The following CIPC variants were observed in gnomAD, a reference collection of about 807,000 sequenced individuals.
The protein encoded by CIPC is CLOCK interacting pacemaker, also known as CLOCK-interacting pacemaker.
CIPC carries 12 observed loss-of-function variants against 26.7 expected under a neutral mutation model. The ratio of observed to expected loss-of-function variants is 0.45; its 90% CI spans 0.29 to 0.73. The LOEUF is 0.73. Among genes scored for constraint, CIPC ranks in the 30% least tolerant of loss-of-function variants. The probability of loss-of-function intolerance (pLI) is 0.12; values close to 1 mark genes in which losing one functional copy is unlikely to be tolerated. For missense variants in CIPC, 417 were observed against 486.5 expected, an observed-to-expected ratio of 0.86 and a Z score of 1.34; for synonymous variants, 170 against 189.8, an observed-to-expected ratio of 0.90 and a Z score of 0.86.
At chr14:77,113,259 T>C (rs1355798249) in intron 3 of CIPC, 166 bp from the exon 4 acceptor site, 1 of 737,532 alleles carries the variant, frequency 1.4e-6, no homozygotes, top group African/African-American at 1.7e-5. Flanking sequence ...AAAAAGTATT[T>C]GTGATATCAG....
intron 3 of CIPC, among the ~76,000 whole-genome samples, chr14:77,111,426 T>G (rs767477217): frequency 6.6e-6 from 1 of 152,248 alleles, no homozygotes. Context: ...CATACTAGAA[T>G]CTAGCGTATT....
chr14:77,105,385 G>T (rs1886571290), intron 1 of CIPC, among the ~76,000 whole-genome samples: 1 of 152,154 alleles, frequency 6.6e-6, no homozygotes, highest in Non-Finnish European at 1.5e-5. Context: ...AATCAAATGT[G>T]CCTTTGTTAG....
intron 3 of CIPC, among the ~76,000 whole-genome samples, chr14:77,112,390 G>A (rs773364005): frequency 5.3e-5 from 8 of 152,202 alleles, no homozygotes; most frequent in Non-Finnish European, 1.0e-4. Context: ...GAATGGCTCA[G>A]ATGGGTTTTA....
In CIPC at chr14:77,114,463, C is replaced by G; in HGVS notation, c.*145C>G. On this transcript the variant is annotated 3_prime_UTR_variant, in exon 4 of 4. Transcript: ENST00000361786. ...TCACTTAGGAAGCCACGTGCCAATA[C>G]CTGGCTGCTGTCTTAACTCGTAGTC... is the stretch of plus-strand genomic sequence containing the variant. 1.2e-6 allele frequency: 1 copy of G among 814,870 alleles called. No homozygotes were observed. Among genetic ancestry groups the G allele is most frequent in the East Asian group, 2.6e-5 (1 of 38,646 alleles). 50.5% of individuals were successfully genotyped at this position (814,870 alleles called of 1,614,324 possible).
intron 1 of CIPC, among the ~76,000 whole-genome samples, chr14:77,099,413 T>C (rs1308814130): frequency 1.3e-5 from 2 of 152,140 alleles, no homozygotes; most frequent in African/African-American, 4.8e-5. Context: ...TATTAGACAT[T>C]TAGGTAGACA....
intron 2 of CIPC, among the ~76,000 whole-genome samples, chr14:77,107,123 T>C (rs1403900014): frequency 6.6e-6 from 1 of 152,252 alleles, no homozygotes; most frequent in Non-Finnish European, 1.5e-5. Context: ...GCCTAGTGCC[T>C]CTTTTTTTCT....
At position 77,113,828 on chromosome 14, in the gene CIPC, G is replaced by A. The variant is rs764882618; in HGVS notation, c.710G>A (p.Gly237Asp). 6.2e-7 allele frequency: 1 copy of A among 1,614,126 alleles called. No homozygotes were observed. Among genetic ancestry groups the A allele is most frequent in the East Asian group, 2.2e-5 (1 of 44,872 alleles). The change falls in exon 4 of 4, where the codon GGT becomes GAT. Residue 237 changes from glycine to aspartate, a missense_variant. By Grantham distance (94) the Gly-to-Asp change is moderately conservative. Transcript: ENST00000361786. ...ALQGVPSLVA[G>D]GSPQTLQPVS... is the part of the protein sequence containing the mutation. ...CAGGGTGTGCCCTCTCTGGTGGCAG[G>A]TGGAAGTCCACAGACTCTTCAGCCG...
At chr14:77,113,201 C>G (rs1886737220) in intron 3 of CIPC, among the ~76,000 whole-genome samples, 1 of 152,166 alleles carries the variant, frequency 6.6e-6, no homozygotes, top group Non-Finnish European at 1.5e-5. Context: ...AGTGATAGCA[C>G]TTGAATAAAA....
intron 1 of CIPC, among the ~76,000 whole-genome samples, chr14:77,100,720 C>T (rs373747362): frequency 5.9e-5 from 9 of 151,752 alleles, no homozygotes; most frequent in African/African-American, 1.7e-4. Context: ...AGATGTGTGC[C>T]ACCACACCCA....
chr14:77,100,240 C>CTTTTTTT (rs57785837), intron 1 of CIPC, among the ~76,000 whole-genome samples: 5 of 130,518 alleles, frequency 3.8e-5, no homozygotes, highest in Admixed American at 7.9e-5. Context: ...TTCTTTCTTT[C>CTTTTTTT]TTTTTTTTTT....
At position 77,115,241 on chromosome 14, in the gene CIPC, GT is replaced by G. The variant is rs11342878; in HGVS notation, c.*937del. 84,763 of 143,610 alleles carry G rather than the reference GT, an allele frequency of 0.59. 25,958 individuals are homozygous for G. The highest frequency in any genetic ancestry group is 0.72 in the Middle Eastern group (202 of 280). 8.9% of individuals were successfully genotyped at this position (143,610 alleles called of 1,614,324 possible). On this transcript the variant is annotated 3_prime_UTR_variant, in exon 4 of 4. Transcript: ENST00000361786. ...TATAAGTTAACTCTGCTGCCATCTT[GT>G]TTTTTTTTTTTTTCCTTTATTTTGA...
chr14:77,111,268 A>G (rs1886694518), intron 3 of CIPC, among the ~76,000 whole-genome samples: 1 of 152,194 alleles, frequency 6.6e-6, no homozygotes, highest in South Asian at 2.1e-4. Flanking sequence ...ACACACAGTT[A>G]CGGAGTGAGT....
At chr14:77,109,791 G>A in intron 2 of CIPC, 21 bp from the exon 3 acceptor site, 1 of 1,602,854 alleles carries the variant, frequency 6.2e-7, no homozygotes, top group Non-Finnish European at 8.5e-7. Flanking sequence ...TGAGTGAGTT[G>A]ACCATTCTTC....
At chr14:77,109,515 CTGA>C (rs1271391526) in intron 2 of CIPC, among the ~76,000 whole-genome samples, 3 of 152,146 alleles carry the variant, frequency 2.0e-5, no homozygotes, top group African/African-American at 7.2e-5. Context: ...CTCCTGTAGA[CTGA>C]TGATGATTAC....
Position 77,105,654 on chromosome 14 carries a change from T to G in CIPC, c.-52-3T>G, listed in dbSNP as rs576066281. 7 of 1,570,752 alleles carry G rather than the reference T, an allele frequency of 4.5e-6. No homozygotes were observed. In the Admixed American group the frequency reaches 1.3e-4, roughly 30 times the overall value. On this transcript the variant is annotated splice_region_variant and splice_polypyrimidine_tract_variant and intron_variant, in intron 1 of 3. Coordinates refer to ENST00000361786, the MANE Select transcript of CIPC (RefSeq NM_033426.3). ...TGACTTCTTATATAATTGTTTTTCA[T>G]AGGGCAGTCCAGATGAAAAGAGTAC...
At chr14:77,107,262 G>C (rs1424587746) in intron 2 of CIPC, among the ~76,000 whole-genome samples, 1 of 152,160 alleles carries the variant, frequency 6.6e-6, no homozygotes, top group Non-Finnish European at 1.5e-5. Flanking sequence ...ATTATTTCCA[G>C]TACTGTTGAC....
chr14:77,100,799 C>T (rs12588760), intron 1 of CIPC, among the ~76,000 whole-genome samples: 62,391 of 151,852 alleles, frequency 0.41, 13,524 homozygotes, highest in East Asian at 0.62. Flanking sequence ...GAACTCCTGA[C>T]CTCAGGTGAT....
chr14:77,100,100 G>GT (rs1886449148), intron 1 of CIPC: 1 of 152,196 alleles, frequency 6.6e-6, no homozygotes, highest in South Asian at 2.1e-4. Flanking sequence ...ACAACTCGAG[G>GT]TTGAGGAGAC....
At chr14:77,109,589 A>G (rs1448041606) in intron 2 of CIPC, among the ~76,000 whole-genome samples, 3 of 152,216 alleles carry the variant, frequency 2.0e-5, no homozygotes, top group Non-Finnish European at 4.4e-5. Context: ...AAGGAAGTCA[A>G]ACTCGTCCTA....
Sources: gnomAD v4.1 joint callset for allele counts (sites outside exome capture counted in the v4.1 genomes callset) on GRCh38, gnomAD v4.1.1 for gene constraint, MANE v1.5 for transcripts, NCBI Gene and HGNC (gene_info 2026-07-23, HGNC 2026-07-21) for gene names.